CTTN: variants seen among roughly 807,000 people sequenced by gnomAD.
CTTN encodes src substrate cortactin.
A neutral mutation model predicts 84.0 loss-of-function variants in CTTN; 28 were observed. The observed-to-expected ratio is 0.33, with a 90% CI of 0.25 to 0.46. The LOEUF (loss-of-function observed/expected upper bound fraction) is 0.46, where lower values mean the gene tolerates loss of function less well. Among genes scored for constraint, CTTN ranks in the 20% least tolerant of loss-of-function variants. The probability of loss-of-function intolerance (pLI) is 1.00; values close to 1 mark genes in which losing one functional copy is unlikely to be tolerated. For missense variants in CTTN, 641 were observed against 723.8 expected, an observed-to-expected ratio of 0.89 and a Z score of 1.31; for synonymous variants, 301 against 288.8, an observed-to-expected ratio of 1.04 and a Z score of -0.43.
At chr11:70,427,006 G>C (rs1029020556) in intron 13 of CTTN, among the ~76,000 whole-genome samples, 2 of 151,976 alleles carry the variant, frequency 1.3e-5, no homozygotes, top group African/African-American at 4.8e-5. Context: ...AAAGTGCTGG[G>C]ATTACAGGCA....
intron 2 of CTTN, among the ~76,000 whole-genome samples, chr11:70,405,688 C>T (rs11825365): frequency 2.6e-5 from 4 of 152,184 alleles, no homozygotes; most frequent in African/African-American, 7.2e-5. Context: ...GTGCCCACCC[C>T]GCTCGCTGGT....
chr11:70,419,866 G>A lies in CTTN; in HGVS notation c.679+10G>A, dbSNP rs764505525. 2.4e-5 allele frequency: 38 copies of A among 1,602,712 alleles called. No individual in the cohort carries two copies. Among genetic ancestry groups the A allele is most frequent in the Middle Eastern group, 1.6e-4 (1 of 6,076 alleles). On this transcript the variant is annotated intron_variant, in intron 9 of 17. Coordinates refer to ENST00000301843, the MANE Select transcript of CTTN (RefSeq NM_005231.4). ...CACGAGTCCCAGAAAGGTGTCTTCC[G>A]TTTTATCTTACCCTCCAGCCAGCAG...
At chr11:70,399,933 C>A (rs1234883379) in intron 1 of CTTN, among the ~76,000 whole-genome samples, 2 of 152,158 alleles carry the variant, frequency 1.3e-5, no homozygotes, top group Non-Finnish European at 2.9e-5. Flanking sequence ...GCAGGAGGGG[C>A]TGGCCGCCTG....
Position 70,435,750 on chromosome 11 carries a change from T to A in CTTN, c.*588T>A. The A allele has an allele frequency of 6.3e-7, 1 of 1,597,124 alleles. No homozygotes were observed. On this transcript the variant is annotated 3_prime_UTR_variant, in exon 18 of 18. Coordinates refer to ENST00000301843, the MANE Select transcript of CTTN (RefSeq NM_005231.4). ...GTGACAGCCCGCAGGATCAGGTGACTTCTAGCAGAGACCCTGGTTTTTTTC... is the reference window on the plus strand; with the variant it reads ...GTGACAGCCCGCAGGATCAGGTGACATCTAGCAGAGACCCTGGTTTTTTTC...
In CTTN at chr11:70,427,306, G is replaced by A. The variant is rs545445288; in HGVS notation, c.1028-1745G>A. Among the ~76,000 whole-genome samples, 39 of 152,156 alleles carry A rather than the reference G, an allele frequency of 2.6e-4. 1 individual carries two copies. Among genetic ancestry groups the A allele is most frequent in the Admixed American group, 3.3e-4 (5 of 15,288 alleles). On this transcript the variant is annotated intron_variant, in intron 13 of 17. Coordinates refer to ENST00000301843, the MANE Select transcript of CTTN (RefSeq NM_005231.4). ...AGAGGTCGCAGTGAGCCTTGATTGC[G>A]CCACTGCACTCCAGCCTGGGCGACA... is the stretch of plus-strand genomic sequence containing the variant.
At chr11:70,419,277 A>AT (rs2058201042) in intron 8 of CTTN, among the ~76,000 whole-genome samples, 1 of 151,272 alleles carries the variant, frequency 6.6e-6, no homozygotes, top group South Asian at 2.1e-4. Flanking sequence ...CGCCCAGCTA[A>AT]TTTTGTATTT....
intron 14 of CTTN, among the ~76,000 whole-genome samples, chr11:70,430,313 C>G (rs2058340593): frequency 6.6e-6 from 1 of 152,216 alleles, no homozygotes; most frequent in Non-Finnish European, 1.5e-5. Context: ...CACAGGCTGT[C>G]AGTGAGTTTC....
At chr11:70,434,985 C>T (rs1284419625) in intron 17 of CTTN, 41 bp from the exon 18 acceptor site, 7 of 1,607,166 alleles carry the variant, frequency 4.4e-6, no homozygotes, top group South Asian at 1.1e-5. Flanking sequence ...GACCAGGAAA[C>T]GCTTGCACTT....
At position 70,435,618 on chromosome 11, in the gene CTTN, C is replaced by A. The variant is rs1415204109; in HGVS notation, c.*456C>A. ...AGACGAGGGGCTTCCTCTAGAGTCT[C>A]ACTGCTGGGGAGGAGAGGACTGGGC... On this transcript the variant is annotated 3_prime_UTR_variant, in exon 18 of 18. Coordinates refer to ENST00000301843, the MANE Select transcript of CTTN (RefSeq NM_005231.4). 1.3e-6 allele frequency: 2 copies of A among 1,590,594 alleles called. No individual in the cohort carries two copies. Among genetic ancestry groups the A allele is most frequent in the Admixed American group, 3.4e-5 (2 of 58,854 alleles).
Position 70,435,475 on chromosome 11 carries a change from G to A in CTTN, c.*313G>A. 6.5e-7 allele frequency: 1 copy of A among 1,548,220 alleles called. No homozygotes were observed. Among genetic ancestry groups the A allele is most frequent in the African/African-American group, 1.4e-5 (1 of 73,528 alleles). On this transcript the variant is annotated 3_prime_UTR_variant, in exon 18 of 18. Coordinates refer to ENST00000301843, the MANE Select transcript of CTTN (RefSeq NM_005231.4). The stretch of plus-strand genomic sequence containing the variant: ...GACTGTCACGCGGCAGCTTCAGGGA[G>A]CTCGCATTCTCTTGTGTTCGTGTTG...
chr11:70,401,594 G>A (rs879701007), intron 1 of CTTN, among the ~76,000 whole-genome samples: 2 of 152,006 alleles, frequency 1.3e-5, no homozygotes, highest in African/African-American at 2.4e-5. Flanking sequence ...GTTGCGGTGA[G>A]CTGAGATCAC....
At chr11:70,409,683 A>G (rs773839249) in intron 4 of CTTN, 148 bp from the exon 5 acceptor site, 3 of 871,782 alleles carry the variant, frequency 3.4e-6, no homozygotes, top group Admixed American at 4.3e-5. Context: ...TCAGGAAGGC[A>G]CAGTGCAGGG....
chr11:70,435,278 T>TTTTTTTG lies in CTTN; in HGVS notation c.*116_*117insTTTTTTG. The TTTTTTTG allele has an allele frequency of 9.0e-7, 1 of 1,113,742 alleles. No homozygotes were observed. 69.0% of individuals were successfully genotyped at this position (1,113,742 alleles called of 1,614,324 possible). ...GTTTTTTTTTTTTTTTTTTTTTTTT[T>TTTTTTTG]GAAGGTGGGGAGGGGAATATACACA... is the stretch of plus-strand genomic sequence containing the variant. On this transcript the variant is annotated 3_prime_UTR_variant, in exon 18 of 18. Coordinates refer to ENST00000301843, the MANE Select transcript of CTTN (RefSeq NM_005231.4).
At chr11:70,424,122 C>A (rs1034585564) in intron 12 of CTTN, among the ~76,000 whole-genome samples, 5 of 151,996 alleles carry the variant, frequency 3.3e-5, no homozygotes, top group African/African-American at 1.2e-4. Context: ...GGGGCCGGGT[C>A]CGGGTGGCGT....
At chr11:70,413,422 G>A (rs2058118011) in intron 5 of CTTN, among the ~76,000 whole-genome samples, 1 of 152,236 alleles carries the variant, frequency 6.6e-6, no homozygotes, top group South Asian at 2.1e-4. Context: ...AGCAGGGCCA[G>A]TGCTTTGAGG....
intron 13 of CTTN, among the ~76,000 whole-genome samples, chr11:70,426,272 A>G (rs980628488): frequency 1.3e-5 from 2 of 152,072 alleles, no homozygotes; most frequent in African/African-American, 2.4e-5. Flanking sequence ...TTAGCCAGGC[A>G]TGGTGGCGGG....
intron 13 of CTTN, among the ~76,000 whole-genome samples, chr11:70,427,098 C>G (rs1251562826): frequency 6.6e-6 from 1 of 151,864 alleles, no homozygotes; most frequent in African/African-American, 2.4e-5. Flanking sequence ...ACCTGTAATC[C>G]CAGCACTCTG....
intron 17 of CTTN, among the ~76,000 whole-genome samples, chr11:70,434,690 C>T (rs1325790812): frequency 6.6e-6 from 1 of 152,240 alleles, no homozygotes; most frequent in Non-Finnish European, 1.5e-5. Context: ...GCCCATCTCC[C>T]CACCCCCTCC....
In CTTN at chr11:70,435,928, C is replaced by T; in HGVS notation, c.*766C>T. 2.1e-6 allele frequency: 3 copies of T among 1,457,764 alleles called. No individual in the cohort carries two copies. The highest frequency in any genetic ancestry group is 2.7e-6 in the Non-Finnish European group (3 of 1,114,876). 90.3% of individuals were successfully genotyped at this position (1,457,764 alleles called of 1,614,324 possible). On this transcript the variant is annotated 3_prime_UTR_variant, in exon 18 of 18. Transcript: ENST00000301843. ...CCGCGGGTCTCTGGATTGGGACGCA[C>T]AGTGCAGTTGAGGTCTGCGTCGGGC...
Sources: gnomAD v4.1 joint callset for allele counts (sites outside exome capture counted in the v4.1 genomes callset) on GRCh38, gnomAD v4.1.1 for gene constraint, MANE v1.5 for transcripts, NCBI Gene and HGNC (gene_info 2026-07-23, HGNC 2026-07-21) for gene names.